Variants in PITPNM2 observed in about 807,000 individuals in gnomAD.
PITPNM2 encodes membrane-associated phosphatidylinositol transfer protein 2.
In PITPNM2, 35 loss-of-function variants were observed where a neutral mutation model predicts 132.2. The ratio of observed to expected loss-of-function variants is 0.26; its 90% CI spans 0.20 to 0.35. The LOEUF (loss-of-function observed/expected upper bound fraction) is 0.35, where lower values mean the gene tolerates loss of function less well. PITPNM2 is among the 10% of genes least tolerant of loss of function. PITPNM2 has a pLI of 1.00. For missense variants in PITPNM2, 1,332 were observed against 1,912.0 expected (o/e 0.70, Z 5.66); for synonymous variants, 738 against 799.2 (o/e 0.92, Z 1.29).
intron 2 of PITPNM2, among the ~76,000 whole-genome samples, chr12:123,045,284 C>A (rs1388323644): frequency 6.6e-6 from 1 of 152,206 alleles, no homozygotes; most frequent in South Asian, 2.1e-4. Flanking sequence ...CCCTTTATAG[C>A]AAATCCTCCT....
Position 123,058,548 on chromosome 12 carries a change from C to T in PITPNM2, c.-95-23863G>A, listed in dbSNP as rs1324812073. 1.3e-5 allele frequency among the ~76,000 whole-genome samples: 2 copies of T among 152,230 alleles called. No individual in the cohort carries two copies. Among genetic ancestry groups the T allele is most frequent in the East Asian group, 3.8e-4 (2 of 5,198 alleles). The stretch of plus-strand genomic sequence containing the variant: ...CCCACAGCCTCTCCAGGGCCTCTCT[C>T]ACTCCACCATTCACCTGCTGTTCCC... On this transcript the variant is annotated intron_variant, in intron 2 of 25. Transcript: ENST00000320201. The surrounding 1 kb of genome is among the most constrained non-coding windows in gnomAD (Gnocchi z 4.0).
chr12:122,997,426 G>A lies in PITPNM2; in HGVS notation c.1371C>T (p.Asp457=). The A allele has an allele frequency of 6.2e-7, 1 of 1,613,574 alleles. No homozygotes were observed. Among genetic ancestry groups the A allele is most frequent in the Non-Finnish European group, 8.5e-7 (1 of 1,180,012 alleles). The change falls in exon 11 of 26, where the codon GAC becomes GAT. Residue 457 remains aspartate, a synonymous_variant. Transcript: ENST00000320201. ...GDANTIANVF[D]TVMRVHYPSA... is the part of the protein sequence containing the mutation. ...TGGGGTAGTGCACGCGCATGACGGT[G>A]TCGAACACGTTGGCGATGGTGTTAG...
At chr12:123,053,725 G>A (rs1289148059) in intron 2 of PITPNM2, among the ~76,000 whole-genome samples, 4 of 152,088 alleles carry the variant, frequency 2.6e-5, no homozygotes, top group East Asian at 1.9e-4. Context: ...GTGCCACCAC[G>A]CCCGGCTAAT....
chr12:123,001,035 C>T lies in PITPNM2; in HGVS notation c.1153+19G>A. The T allele has an allele frequency of 1.2e-6, 2 of 1,608,398 alleles. No homozygotes were observed. The highest frequency in any genetic ancestry group is 1.3e-5 in the African/African-American group (1 of 74,918). ...CAACCGCCCTCCCCAGGCTCTGCAG[C>T]ACCCCCAGACCTGCTGACCTTGTGT... is the stretch of plus-strand genomic sequence containing the variant. On this transcript the variant is annotated intron_variant, in intron 9 of 25. Transcript: ENST00000320201.
chr12:123,048,557 C>T lies in PITPNM2; in HGVS notation c.-95-13872G>A, dbSNP rs562958509. On this transcript the variant is annotated intron_variant, in intron 2 of 25. Coordinates refer to ENST00000320201, the MANE Select transcript of PITPNM2 (RefSeq NM_020845.3). ...CCTCCCGAGTAGCTGGGACTACAGGCGCCCGCCACCGCGCCCGGCTAATTT... is the reference window on the plus strand; with the variant it reads ...CCTCCCGAGTAGCTGGGACTACAGGTGCCCGCCACCGCGCCCGGCTAATTT... Among the ~76,000 whole-genome samples the T allele has an allele frequency of 9.2e-5, 14 of 152,182 alleles. No homozygotes were observed. The East Asian group carries it at 9.7e-4, about 11-fold the overall frequency.
Position 123,104,318 on chromosome 12 carries a change from G to C in PITPNM2, c.-96+6067C>G, listed in dbSNP as rs538439360. On this transcript the variant is annotated intron_variant, in intron 2 of 25. Coordinates refer to ENST00000320201, the MANE Select transcript of PITPNM2 (RefSeq NM_020845.3). ...CTCTCCCTGTCAGGCCTCTGAGCCC[G>C]AGCCAAGCCATCGCATCCCCTGTGA... Among the ~76,000 whole-genome samples the C allele has an allele frequency of 5.9e-5, 9 of 152,308 alleles. No individual in the cohort carries two copies. The East Asian group carries it at 1.2e-3, about 20-fold the overall frequency.
intron 1 of PITPNM2, among the ~76,000 whole-genome samples, chr12:123,135,721 G>C (rs1619561): frequency 0.67 from 101,417 of 151,840 alleles, 36,807 homozygotes; most frequent in East Asian, 0.97. Flanking sequence ...TTTTAGAGAC[G>C]GCGTCTCGCT....
At chr12:122,988,495 G>T in intron 19 of PITPNM2, 145 bp from the exon 20 acceptor site, 1 of 801,446 alleles carries the variant, frequency 1.2e-6, no homozygotes, top group Non-Finnish European at 2.1e-6. Flanking sequence ...CTGCCCAGTA[G>T]CCCTCAGACC....
chr12:123,030,063 A>G (rs1168024618), intron 3 of PITPNM2, among the ~76,000 whole-genome samples: 2 of 147,872 alleles, frequency 1.4e-5, no homozygotes, highest in East Asian at 2.1e-4. Flanking sequence ...GGATTCAGGG[A>G]AAGAAATCAC....
intron 1 of PITPNM2, among the ~76,000 whole-genome samples, chr12:123,143,568 G>A (rs1294190780): frequency 6.6e-6 from 1 of 152,162 alleles, no homozygotes; most frequent in Non-Finnish European, 1.5e-5. Context: ...ACAATTTGAG[G>A]CATGGGGGCC....
intron 1 of PITPNM2, among the ~76,000 whole-genome samples, chr12:123,147,246 T>C (rs927708459): frequency 6.6e-6 from 1 of 152,200 alleles, no homozygotes; most frequent in African/African-American, 2.4e-5. Context: ...TTATCACACA[T>C]ACCCTTTGTT....
intron 3 of PITPNM2, among the ~76,000 whole-genome samples, chr12:123,029,058 G>T (rs1474058065): frequency 6.6e-6 from 1 of 152,178 alleles, no homozygotes; most frequent in Non-Finnish European, 1.5e-5. Flanking sequence ...TGAGAGGGGA[G>T]ATCCCTCCCA....
intron 2 of PITPNM2, among the ~76,000 whole-genome samples, chr12:123,102,464 G>T (rs1242354486): frequency 6.6e-6 from 1 of 152,166 alleles, no homozygotes; most frequent in Non-Finnish European, 1.5e-5. Flanking sequence ...ACTGTGATGG[G>T]GACGATGAAG....
chr12:123,098,804 G>A (rs968545722), intron 2 of PITPNM2, among the ~76,000 whole-genome samples: 2 of 151,746 alleles, frequency 1.3e-5, no homozygotes, highest in Admixed American at 6.6e-5. Flanking sequence ...CTCAGGGGCC[G>A]GCTTCCTTCC....
At chr12:123,045,188 C>T (rs1488285605) in intron 2 of PITPNM2, among the ~76,000 whole-genome samples, 1 of 152,212 alleles carries the variant, frequency 6.6e-6, no homozygotes, top group Non-Finnish European at 1.5e-5. Flanking sequence ...AGTTATAGCT[C>T]CCATATATCT....
intron 1 of PITPNM2, among the ~76,000 whole-genome samples, chr12:123,114,391 G>A (rs2042896809): frequency 6.6e-6 from 1 of 151,094 alleles, no homozygotes; most frequent in East Asian, 1.9e-4. Flanking sequence ...AGTTTCTGGC[G>A]AATCCTCCCA....
intron 8 of PITPNM2, among the ~76,000 whole-genome samples, chr12:123,003,326 CG>C (rs1267593529): frequency 1.3e-5 from 2 of 152,168 alleles, no homozygotes; most frequent in Non-Finnish European, 2.9e-5. Flanking sequence ...CCCAGGACAC[CG>C]CTGTCCTGGC....
At chr12:123,020,180 G>T (rs1336236834) in intron 3 of PITPNM2, among the ~76,000 whole-genome samples, 1 of 152,154 alleles carries the variant, frequency 6.6e-6, no homozygotes, top group East Asian at 1.9e-4. Flanking sequence ...GAGTGCTATG[G>T]CATGATCTCG....
At chr12:123,011,742 A>C (rs2039212938) in intron 5 of PITPNM2, among the ~76,000 whole-genome samples, 1 of 152,168 alleles carries the variant, frequency 6.6e-6, no homozygotes, top group Non-Finnish European at 1.5e-5. Flanking sequence ...GTCAAGGAGC[A>C]CCAAGGACTG....
Sources: allele counts gnomAD v4.1 joint callset (sites outside exome capture counted in the v4.1 genomes callset), GRCh38; gene constraint gnomAD v4.1.1; non-coding constraint Gnocchi (gnomAD v3.1); transcripts MANE v1.5; gene names NCBI Gene and HGNC (gene_info 2026-07-23, HGNC 2026-07-21).